PDE4D: variants seen among roughly 807,000 people sequenced by gnomAD.
PDE4D encodes phosphodiesterase 4D.
A neutral mutation model predicts 87.4 loss-of-function variants in PDE4D; 24 were observed. The observed-to-expected ratio is 0.27, with a 90% confidence interval of 0.20 to 0.39. The LOEUF is 0.39. PDE4D is among the 10% of genes least tolerant of loss of function. The pLI is 1.00. For synonymous variants in PDE4D, 384 were observed against 383.2 expected, an observed-to-expected ratio of 1.00 and a Z score of -0.02; for missense variants, 714 against 1,041.0, an observed-to-expected ratio of 0.69 and a Z score of 4.32.
intron 1 of PDE4D, among the ~76,000 whole-genome samples, chr5:59,623,428 A>T (rs1830556601): frequency 6.6e-6 from 1 of 152,160 alleles, no homozygotes; most frequent in Admixed American, 6.5e-5. Flanking sequence ...ACTCACCTCC[A>T]CTTCACTTTA....
chr5:59,254,320 C>T (rs559474993), intron 1 of PDE4D, among the ~76,000 whole-genome samples: 1 of 152,132 alleles, frequency 6.6e-6, no homozygotes, highest in South Asian at 2.1e-4. Flanking sequence ...AGTTTTCCCT[C>T]CTATTTTGCT....
chr5:59,986,053 C>T (rs1364222872), intron 3 of PDE4D, among the ~76,000 whole-genome samples: 3 of 152,190 alleles, frequency 2.0e-5, no homozygotes, highest in Non-Finnish European at 4.4e-5. Flanking sequence ...TTCCTTGGCA[C>T]TTGGAAACTG....
intron 1 of PDE4D, among the ~76,000 whole-genome samples, chr5:59,873,742 G>A (rs753798359): frequency 2.6e-5 from 4 of 152,146 alleles, no homozygotes; most frequent in Non-Finnish European, 4.4e-5. Flanking sequence ...AGGCCATGGC[G>A]TTTTACATTC....
At chr5:59,570,360 G>A (rs1309293786) in intron 1 of PDE4D, among the ~76,000 whole-genome samples, 1 of 152,044 alleles carries the variant, frequency 6.6e-6, no homozygotes, top group Non-Finnish European at 1.5e-5. Context: ...TAATAAATAA[G>A]GATGTCATAC....
At chr5:59,031,526 T>G (rs1322177235) in intron 6 of PDE4D, among the ~76,000 whole-genome samples, 1 of 147,082 alleles carries the variant, frequency 6.8e-6, no homozygotes, top group Non-Finnish European at 1.5e-5. Flanking sequence ...GCTAACATAG[T>G]AAAACCCCAT....
At chr5:59,518,164 A>C (rs1446716815) in intron 1 of PDE4D, among the ~76,000 whole-genome samples, 1 of 150,272 alleles carries the variant, frequency 6.7e-6, no homozygotes, top group Non-Finnish European at 1.5e-5. Flanking sequence ...TACCAGATTG[A>C]ATAAGTATAT....
intron 2 of PDE4D, among the ~76,000 whole-genome samples, chr5:60,057,124 T>A (rs184561319): frequency 6.6e-6 from 1 of 152,052 alleles, no homozygotes; most frequent in African/African-American, 2.4e-5. Flanking sequence ...TGCCCACTTA[T>A]ATTTGATGAA....
intron 1 of PDE4D, among the ~76,000 whole-genome samples, chr5:60,516,785 T>C (rs1477356346): frequency 6.6e-6 from 1 of 152,192 alleles, no homozygotes; most frequent in Admixed American, 6.5e-5. Flanking sequence ...GGTAATGTAA[T>C]TGATGACAGT....
At chr5:59,095,343 A>T (rs533894771) in intron 5 of PDE4D, among the ~76,000 whole-genome samples, 86 of 151,572 alleles carry the variant, frequency 5.7e-4, no homozygotes, top group African/African-American at 2.1e-3. Flanking sequence ...GGAACAAAAA[A>T]TAACCAAAAA....
intron 1 of PDE4D, among the ~76,000 whole-genome samples, chr5:60,214,943 T>C (rs1343426013): frequency 6.6e-6 from 1 of 152,184 alleles, no homozygotes; most frequent in Non-Finnish European, 1.5e-5. Context: ...CAGTTATTAT[T>C]GCAGAATCTG....
intron 1 of PDE4D, among the ~76,000 whole-genome samples, chr5:59,508,192 G>A (rs1237104851): frequency 6.6e-6 from 1 of 152,028 alleles, no homozygotes; most frequent in East Asian, 1.9e-4. Context: ...CCTAAACAGA[G>A]AAAGAACTCA....
Position 59,515,977 on chromosome 5 carries a change from C to T in PDE4D, c.456-300009G>A, listed in dbSNP as rs548353736. On this transcript the variant is annotated intron_variant, in intron 1 of 14. Transcript: ENST00000340635. ...TTCTTCTCACACTGCACACAGAATT[C>T]AATTCCATATGTAAAAGAACTTTAC... Among the ~76,000 whole-genome samples, 5 of 152,180 alleles carry T rather than the reference C, an allele frequency of 3.3e-5. No homozygotes were observed. In the South Asian group the frequency reaches 1.0e-3, roughly 32 times the overall value.
At chr5:60,372,808 G>A (rs960476916) in intron 1 of PDE4D, 6 of 152,128 alleles carry the variant, frequency 3.9e-5, no homozygotes, top group Admixed American at 6.5e-5. Context: ...AGACTTAAAG[G>A]ATAATGTGCT....
chr5:59,146,732 C>G (rs1778717426), intron 5 of PDE4D, among the ~76,000 whole-genome samples: 1 of 152,022 alleles, frequency 6.6e-6, no homozygotes, highest in African/African-American at 2.4e-5. Context: ...TACAGAAAAA[C>G]TATAAAAAAC....
At chr5:60,250,858 A>G (rs1371100084) in intron 1 of PDE4D, among the ~76,000 whole-genome samples, 1 of 151,998 alleles carries the variant, frequency 6.6e-6, no homozygotes, top group African/African-American at 2.4e-5. Context: ...TTCCATAAGA[A>G]GGCATGGTCA....
Position 59,347,522 on chromosome 5 carries a change from G to GCA in PDE4D, c.456-131556_456-131555dup, listed in dbSNP as rs1562005208. Reference sequence around the variant, plus strand: ...AGCTTAAGGTGTTTATGTTTTGTAGGCAGACACAGACACATATTTCAAACA... The same window carrying GCA: ...AGCTTAAGGTGTTTATGTTTTGTAGGCACAGACACAGACACATATTTCAAACA... On this transcript the variant is annotated intron_variant, in intron 1 of 14. Transcript: ENST00000340635. Among the ~76,000 whole-genome samples, 3 of 152,078 alleles carry GCA rather than the reference G, an allele frequency of 2.0e-5. No individual in the cohort carries two copies. In the South Asian group the frequency reaches 6.2e-4, roughly 32 times the overall value.
At chr5:59,164,614 C>CAATG (rs1340809456) in intron 5 of PDE4D, among the ~76,000 whole-genome samples, 16 of 152,288 alleles carry the variant, frequency 1.1e-4, no homozygotes, top group Non-Finnish European at 1.5e-4. Flanking sequence ...CACCCTCTGA[C>CAATG]AATGCCTCAC....
At chr5:59,774,626 C>T (rs1053437406) in intron 1 of PDE4D, among the ~76,000 whole-genome samples, 8 of 150,994 alleles carry the variant, frequency 5.3e-5, no homozygotes, top group Non-Finnish European at 8.8e-5. Flanking sequence ...CATTATTTCA[C>T]TTGAAAGAAA....
intron 1 of PDE4D, among the ~76,000 whole-genome samples, chr5:59,339,660 G>A (rs749415194): frequency 6.6e-5 from 10 of 152,196 alleles, no homozygotes; most frequent in South Asian, 4.2e-4. Flanking sequence ...GCACACGTTC[G>A]GTCATGTGGG....
Sources: gnomAD v4.1 joint callset for allele counts (sites outside exome capture counted in the v4.1 genomes callset) on GRCh38, gnomAD v4.1.1 for gene constraint, MANE v1.5 for transcripts, NCBI Gene and HGNC (gene_info 2026-07-23, HGNC 2026-07-21) for gene names.